Variants in RCBTB1 observed in about 807,000 individuals in gnomAD.
RCBTB1 encodes RCC1 and BTB domain containing protein 1, also known as RCC1 and BTB domain-containing protein 1.
Under a neutral mutation model 62.4 loss-of-function variants are expected in RCBTB1, and 46 were observed. That is an observed-to-expected ratio of 0.74 (90% CI 0.58 to 0.94). RCBTB1 has a LOEUF of 0.94. Ranked by LOEUF, RCBTB1 falls within the 40% of genes least tolerant of loss-of-function variation. RCBTB1 has a pLI of 0.00. For missense variants in RCBTB1, 565 were observed against 654.9 expected (o/e 0.86, Z 1.50); for synonymous variants, 222 against 245.8 (o/e 0.90, Z 0.91).
chr13:49,549,357 T>C (rs570675097), intron 9 of RCBTB1, 101 bp downstream of exon 9: 2 of 1,144,944 alleles, frequency 1.7e-6, no homozygotes, highest in East Asian at 2.5e-5. Flanking sequence ...TAATAGAGAA[T>C]AAAACATTCT....
Position 49,552,205 on chromosome 13 carries a change from T to C in RCBTB1, c.684A>G (p.Ala228=). 6.3e-7 allele frequency: 1 copy of C among 1,590,088 alleles called. No homozygotes were observed. Among genetic ancestry groups the C allele is most frequent in the Non-Finnish European group, 8.6e-7 (1 of 1,167,216 alleles). Residue 228 remains alanine (A), a synonymous_variant, in exon 7 of 13, where the codon GCA becomes GCG. Transcript: ENST00000378302. ...NGNQLTPVRV[A]ALHSVCVNQI... is the part of the protein sequence containing the mutation. ...GGTTCACACACACGCTGTGCAAAGCTGCCACTCTCACAGGGGTCAGCTGGT... is the reference window on the plus strand; with the variant it reads ...GGTTCACACACACGCTGTGCAAAGCCGCCACTCTCACAGGGGTCAGCTGGT...
intron 8 of RCBTB1, chr13:49,549,970 T>C (rs1056305029): frequency 4.5e-6 from 4 of 892,550 alleles, no homozygotes; most frequent in Non-Finnish European, 5.4e-6. Flanking sequence ...CTAACAAATG[T>C]GATGGCTTAA....
chr13:49,566,490 C>T (rs1963021203), intron 4 of RCBTB1, 128 bp downstream of exon 4: 1 of 899,632 alleles, frequency 1.1e-6, no homozygotes, highest in Non-Finnish European at 1.7e-6. Flanking sequence ...GCTTTATGTA[C>T]TTCCTCTCAG....
chr13:49,547,211 A>G (rs1295371213), intron 9 of RCBTB1: 1 of 1,226,848 alleles, frequency 8.2e-7, no homozygotes, highest in Non-Finnish European at 1.1e-6. Context: ...CCTAAAGAAC[A>G]TGGCAAAAAT....
intron 4 of RCBTB1, among the ~76,000 whole-genome samples, chr13:49,564,416 CT>C (rs1962729300): frequency 6.6e-6 from 1 of 150,844 alleles, no homozygotes; most frequent in South Asian, 2.1e-4. Flanking sequence ...GAAACCCAGT[CT>C]CTACTAAAAG....
At chr13:49,556,196 GT>G (rs56970196) in intron 5 of RCBTB1, among the ~76,000 whole-genome samples, 28,120 of 129,228 alleles carry the variant, frequency 0.22, 2,983 homozygotes, top group African/African-American at 0.39. Flanking sequence ...TTTTGCTTTG[GT>G]TTTTTTTTTT....
chr13:49,580,468 G>C (rs888340614), intron 2 of RCBTB1, 37 bp downstream of exon 2: 3 of 152,104 alleles, frequency 2.0e-5, no homozygotes, highest in Non-Finnish European at 2.9e-5. Context: ...CCTGTAGTTA[G>C]TCCCAGCTAC....
intron 2 of RCBTB1, among the ~76,000 whole-genome samples, chr13:49,573,660 G>C (rs1230090553): frequency 2.6e-5 from 4 of 151,944 alleles, no homozygotes; most frequent in African/African-American, 9.7e-5. Context: ...ATGTTTGCCA[G>C]GCTGGTCTCA....
intron 6 of RCBTB1, among the ~76,000 whole-genome samples, chr13:49,554,666 G>A (rs1441189546): frequency 6.6e-6 from 1 of 152,126 alleles, no homozygotes; most frequent in Non-Finnish European, 1.5e-5. Flanking sequence ...ACAGGAGCAC[G>A]AACCCCATTG....
At chr13:49,576,051 G>A (rs562816373) in intron 2 of RCBTB1, among the ~76,000 whole-genome samples, 121 of 152,046 alleles carry the variant, frequency 8.0e-4, no homozygotes, top group African/African-American at 2.8e-3. Flanking sequence ...GCCGGGTGTG[G>A]TGGCGGGCAC....
chr13:49,547,948 T>A (rs905615699), intron 9 of RCBTB1, among the ~76,000 whole-genome samples: 2 of 45,942 alleles, frequency 4.4e-5, no homozygotes, highest in Admixed American at 2.5e-4. Context: ...CCACCACTCC[T>A]GGTTATTTTT....
At position 49,541,004 on chromosome 13, in the gene RCBTB1, G is replaced by T. The variant is rs139660032; in HGVS notation, c.1327C>A (p.Leu443Ile). Residue 443 changes from leucine (L) to isoleucine (I), a missense_variant and splice_region_variant, in exon 12 of 13, where the codon CTT becomes ATT. Physicochemically the swap from Leu to Ile is conservative, Grantham distance 5. Transcript: ENST00000378302. ...CAGTAAGATGTCGCCAAATCCAGAA[G>T]ACCTAAAAGTAAAATATGTGAAAGG... ...VDLPPEDAIG[L>I]LDLATSYCEN... is the part of the protein sequence containing the mutation. The T allele has an allele frequency of 1.2e-6, 2 of 1,610,342 alleles. No individual in the cohort carries two copies. The highest frequency in any genetic ancestry group is 1.7e-6 in the Non-Finnish European group (2 of 1,179,490).
At position 49,534,089 on chromosome 13, in the gene RCBTB1, G is replaced by C; in HGVS notation, c.*33C>G. The C allele has an allele frequency of 6.2e-7, 1 of 1,605,270 alleles. No homozygotes were observed. Among genetic ancestry groups the C allele is most frequent in the Non-Finnish European group, 8.5e-7 (1 of 1,175,078 alleles). On this transcript the variant is annotated 3_prime_UTR_variant, in exon 13 of 13. Coordinates refer to ENST00000378302, the MANE Select transcript of RCBTB1 (RefSeq NM_018191.4). The stretch of plus-strand genomic sequence containing the variant: ...TGGACACATCCTCAACAGTGCCCCA[G>C]AGCACTCACACAGAACCCAGCAGCC...
intron 9 of RCBTB1, 52 bp from the exon 10 acceptor site, chr13:49,544,915 G>T: frequency 6.9e-7 from 1 of 1,448,614 alleles, no homozygotes; most frequent in Admixed American, 2.0e-5. Context: ...ACAGATTGAA[G>T]ATTCAAAAGA....
intron 4 of RCBTB1, among the ~76,000 whole-genome samples, chr13:49,561,330 A>G (rs1962415471): frequency 6.6e-6 from 1 of 152,074 alleles, no homozygotes; most frequent in African/African-American, 2.4e-5. Context: ...GCCCACACAA[A>G]CTCAGAGTCC....
intron 2 of RCBTB1, among the ~76,000 whole-genome samples, chr13:49,573,101 G>A (rs1298099388): frequency 6.6e-6 from 1 of 152,146 alleles, no homozygotes. Context: ...ACGTCATACA[G>A]CTAAACTATG....
At chr13:49,576,723 T>C (rs1020124945) in intron 2 of RCBTB1, among the ~76,000 whole-genome samples, 1 of 152,170 alleles carries the variant, frequency 6.6e-6, no homozygotes, top group Non-Finnish European at 1.5e-5. Context: ...CTCACTAAGA[T>C]AGTAATTTTT....
chr13:49,551,164 G>T, intron 8 of RCBTB1, 162 bp downstream of exon 8: 1 of 681,274 alleles, frequency 1.5e-6, no homozygotes. Context: ...CAGGGAGGGA[G>T]AAGGAGGAAG....
intron 2 of RCBTB1, among the ~76,000 whole-genome samples, chr13:49,571,331 A>G (rs1020313937): frequency 6.6e-6 from 1 of 152,100 alleles, no homozygotes; most frequent in African/African-American, 2.4e-5. Flanking sequence ...GGGGAAGAAG[A>G]GCGAAACCCC....
Sources: allele counts gnomAD v4.1 joint callset (sites outside exome capture counted in the v4.1 genomes callset), GRCh38; gene constraint gnomAD v4.1.1; transcripts MANE v1.5; gene names NCBI Gene and HGNC (gene_info 2026-07-23, HGNC 2026-07-21).